Variants in IRF8 observed in about 807,000 individuals in gnomAD.
The protein encoded by IRF8 is interferon regulatory factor 8, also known as interferon consensus sequence binding protein 1.
In IRF8, 14 loss-of-function variants were observed where a neutral mutation model predicts 48.7. The observed-to-expected ratio is 0.29, with a 90% CI of 0.19 to 0.45. IRF8 has a LOEUF of 0.45. Ranked by LOEUF, IRF8 falls within the 20% of genes least tolerant of loss-of-function variation. The probability of loss-of-function intolerance (pLI) is 1.00; values close to 1 mark genes in which losing one functional copy is unlikely to be tolerated. For synonymous variants in IRF8, 278 were observed against 227.3 expected, an observed-to-expected ratio of 1.22 and a Z score of -2.01; for missense variants, 493 against 580.7, an observed-to-expected ratio of 0.85 and a Z score of 1.55.
chr16:85,900,324 G>T (rs138178597), intron 1 of IRF8, among the ~76,000 whole-genome samples: 1 of 152,314 alleles, frequency 6.6e-6, no homozygotes, highest in African/African-American at 2.4e-5. Flanking sequence ...TTCTAGGGCT[G>T]CAGATAGGGC....
At chr16:85,903,277 A>C in intron 2 of IRF8, 88 bp downstream of exon 2, 1 of 1,266,628 alleles carries the variant, frequency 7.9e-7, no homozygotes, top group Non-Finnish European at 1.1e-6. Context: ...CATCTTTCTC[A>C]TTTACTTAAA....
intron 6 of IRF8, among the ~76,000 whole-genome samples, chr16:85,916,368 C>T (rs1905305515): frequency 6.6e-6 from 1 of 152,212 alleles, no homozygotes; most frequent in Admixed American, 6.5e-5. Flanking sequence ...CCTCTGTGGT[C>T]AGGCCGTTCC....
At chr16:85,916,207 C>T (rs951932350) in intron 6 of IRF8, among the ~76,000 whole-genome samples, 3 of 152,242 alleles carry the variant, frequency 2.0e-5, no homozygotes, top group African/African-American at 7.2e-5. Context: ...GAGGTGGATG[C>T]TGTTTTTATC....
Position 85,918,748 on chromosome 16 carries a change from C to G in IRF8, c.933C>G (p.Asn311Lys), listed in dbSNP as rs760447497. ...GNAVVCKGRP[N>K]KLERDEVVQV... ...CCGTGGTGTGCAAAGGCAGGCCCAA[C>G]AAGCTGGAGCGTGATGAGGTGGTCC... is the stretch of plus-strand genomic sequence containing the variant. Residue 311 changes from asparagine (N) to lysine (K), a missense_variant, in exon 7 of 9, where the codon AAC (asparagine) becomes AAG (lysine). By Grantham distance (94) the Asn-to-Lys change is moderately conservative. Transcript: ENST00000268638. 17 of 1,612,342 alleles carry G rather than the reference C, an allele frequency of 1.1e-5. No individual in the cohort carries two copies. The highest frequency in any genetic ancestry group is 1.4e-5 in the Non-Finnish European group (16 of 1,180,036).
intron 2 of IRF8, among the ~76,000 whole-genome samples, chr16:85,904,886 G>T (rs1447243736): frequency 1.4e-5 from 2 of 140,826 alleles, no homozygotes; most frequent in Admixed American, 1.5e-4. Flanking sequence ...TGTAAACAGT[G>T]CCAGAGTCCC....
chr16:85,903,232 C>T, intron 2 of IRF8, 43 bp downstream of exon 2: 1 of 1,527,330 alleles, frequency 6.5e-7, no homozygotes, highest in Non-Finnish European at 9.0e-7. Flanking sequence ...CACAGTGTCT[C>T]CTTTCCCTCA....
At chr16:85,899,350 A>T (rs1904746529) in intron 1 of IRF8, 127 bp downstream of exon 1, 1 of 152,224 alleles carries the variant, frequency 6.6e-6, no homozygotes, top group Admixed American at 6.5e-5. Flanking sequence ...CTCAGTGGCC[A>T]CCCGTGTCCC....
intron 7 of IRF8, among the ~76,000 whole-genome samples, 157 bp from the exon 8 acceptor site, chr16:85,919,952 T>C (rs2143054020): frequency 1.3e-5 from 2 of 152,374 alleles, no homozygotes; most frequent in East Asian, 3.9e-4. Flanking sequence ...AGCTCCTTGC[T>C]TGGAATTTGG....
At chr16:85,914,260 C>T (rs1020113771) in intron 5 of IRF8, 15 of 612,294 alleles carry the variant, frequency 2.4e-5, no homozygotes, top group Non-Finnish European at 4.4e-5. Flanking sequence ...GAAGTCCCCC[C>T]GACTTGCCAC....
intron 7 of IRF8, 110 bp from the exon 8 acceptor site, chr16:85,919,999 G>T: frequency 1.2e-6 from 1 of 808,012 alleles, no homozygotes; most frequent in Non-Finnish European, 2.1e-6. Context: ...ATGGTGCCCT[G>T]GCCTAAATGC....
chr16:85,912,607 T>C (rs1320381087), intron 4 of IRF8, among the ~76,000 whole-genome samples: 1 of 152,210 alleles, frequency 6.6e-6, no homozygotes, highest in Non-Finnish European at 1.5e-5. Context: ...TTCTGCTGAC[T>C]CAGCTGAGAG....
At chr16:85,901,411 G>C (rs923712852) in intron 1 of IRF8, among the ~76,000 whole-genome samples, 2 of 152,152 alleles carry the variant, frequency 1.3e-5, no homozygotes, top group Non-Finnish European at 2.9e-5. Flanking sequence ...AGGATCACTT[G>C]AGGCCGAGAG....
In IRF8 at chr16:85,909,222, G is replaced by A. The variant is rs778920685; in HGVS notation, c.358+49G>A. Reference sequence around the variant, plus strand: ...AACCTTCCAGAAGCTGCCCTGGCCTGTAGCCTTCACCACAGAACTTGGGTC... The same window carrying A: ...AACCTTCCAGAAGCTGCCCTGGCCTATAGCCTTCACCACAGAACTTGGGTC... On this transcript the variant is annotated intron_variant, in intron 3 of 8. Coordinates refer to ENST00000268638, the MANE Select transcript of IRF8 (RefSeq NM_002163.4). 1.4e-5 allele frequency: 21 copies of A among 1,532,448 alleles called. No individual in the cohort carries two copies. In the South Asian group the frequency reaches 2.2e-4, roughly 16 times the overall value. 94.9% of individuals were successfully genotyped at this position (1,532,448 alleles called of 1,614,324 possible).
Position 85,921,474 on chromosome 16 carries a change from G to T in IRF8, c.*192G>T. On this transcript the variant is annotated 3_prime_UTR_variant, in exon 9 of 9. Coordinates refer to ENST00000268638, the MANE Select transcript of IRF8 (RefSeq NM_002163.4). ...AGTGGCGGCATAGCCCTGCCGAGAT[G>T]TCGGTGATGGCCTGGATGCTGTAAC... The T allele has an allele frequency of 1.5e-6, 1 of 653,044 alleles. No individual in the cohort carries two copies. Among genetic ancestry groups the T allele is most frequent in the Middle Eastern group, 3.9e-4 (1 of 2,560 alleles). 40.5% of individuals were successfully genotyped at this position (653,044 alleles called of 1,614,324 possible).
Position 85,918,727 on chromosome 16 carries a change from GGT to G in IRF8, c.916_917del (p.Cys306GlnfsTer10). 1 of 1,612,648 alleles carries G rather than the reference GGT, an allele frequency of 6.2e-7. No individual in the cohort carries two copies. The highest frequency in any genetic ancestry group is 8.5e-7 in the Non-Finnish European group (1 of 1,180,028). On this transcript the variant is annotated frameshift_variant, in exon 7 of 9. Transcript: ENST00000268638. LOFTEE classifies it high-confidence loss of function. ...GRVFCSGNAV[V>X]CKGRPNKLER... Reference sequence around the variant, plus strand: ...GCGTGTTCTGCAGCGGCAACGCCGTGGTGTGCAAAGGCAGGCCCAACAAGCTG... The same window carrying G: ...GCGTGTTCTGCAGCGGCAACGCCGTGGTGCAAAGGCAGGCCCAACAAGCTG...
At position 85,922,320 on chromosome 16, in the gene IRF8, A is replaced by G. The variant is rs1306479134; in HGVS notation, c.*1038A>G. The G allele has an allele frequency of 6.6e-6, 1 of 152,502 alleles. No homozygotes were observed. Among genetic ancestry groups the G allele is most frequent in the African/African-American group, 2.4e-5 (1 of 41,578 alleles). 9.4% of individuals were successfully genotyped at this position (152,502 alleles called of 1,614,324 possible). ...CCAGCACCATGCCTGTGGAGGGGAC[A>G]GTCAGACCCAGAGGTCCTTTACGTG... On this transcript the variant is annotated 3_prime_UTR_variant, in exon 9 of 9. Coordinates refer to ENST00000268638, the MANE Select transcript of IRF8 (RefSeq NM_002163.4).
rs1323742098 is a variant in IRF8, at chr16:85,902,795, G to GTGGCTGCAGT, written c.-1-219_-1-218insGGCTGCAGTT. On this transcript the variant is annotated intron_variant, in intron 1 of 8. Coordinates refer to ENST00000268638, the MANE Select transcript of IRF8 (RefSeq NM_002163.4). ...TGCAGGGGGCTGCTGGTGGCTGCAG[G>GTGGCTGCAGT]TTTCCCACGGAGCTTTCAGTTTGCA... 2.3e-5 allele frequency: 14 copies of GTGGCTGCAGT among 604,740 alleles called. No homozygotes were observed. In the African/African-American group the frequency reaches 2.6e-4, roughly 11 times the overall value. The allele number at this position is 604,740 out of a possible 1,614,324, so 37.5% of individuals were successfully genotyped here.
intron 2 of IRF8, among the ~76,000 whole-genome samples, chr16:85,905,111 A>G (rs1355770350): frequency 1.3e-5 from 2 of 152,148 alleles, no homozygotes; most frequent in African/African-American, 2.4e-5. Flanking sequence ...GACATTGCCA[A>G]ATATCTCCTG....
intron 6 of IRF8, among the ~76,000 whole-genome samples, chr16:85,915,545 G>A (rs935011235): frequency 3.3e-5 from 5 of 152,224 alleles, no homozygotes; most frequent in East Asian, 1.9e-4. Context: ...TTTTCACTCC[G>A]GCTTCACAGA....
Sources: gnomAD v4.1 joint callset for allele counts (sites outside exome capture counted in the v4.1 genomes callset) on GRCh38, gnomAD v4.1.1 for gene constraint, MANE v1.5 for transcripts, NCBI Gene and HGNC (gene_info 2026-07-23, HGNC 2026-07-21) for gene names.